The following EML1 variants were observed in gnomAD, a reference collection of about 807,000 sequenced individuals.
EML1 encodes the protein EMAP like 1.
EML1 carries 27 observed loss-of-function variants against 110.4 expected under a neutral mutation model. That is an observed-to-expected ratio of 0.24 (90% CI 0.18 to 0.34). EML1 has a LOEUF of 0.34. Ranked by LOEUF, EML1 falls within the 10% of genes least tolerant of loss-of-function variation. The pLI, the probability that EML1 is intolerant of heterozygous loss-of-function variation, is 1.00. For missense variants in EML1, 741 were observed against 1,030.9 expected, an observed-to-expected ratio of 0.72 and a Z score of 3.85; for synonymous variants, 344 against 385.8, an observed-to-expected ratio of 0.89 and a Z score of 1.27.
At position 99,766,473 on chromosome 14, in the gene EML1, C is replaced by A. The variant is rs1043065068; in HGVS notation, c.28+28613C>A. Among the ~76,000 whole-genome samples, 3 of 152,132 alleles carry A rather than the reference C, an allele frequency of 2.0e-5. No homozygotes were observed. The East Asian group carries it at 5.8e-4, about 29-fold the overall frequency. ...CCTCCCAAATTGCTGGGATTACAGGCGTGAGCCACCATGTCCGGCCTAATT... is the reference window on the plus strand; with the variant it reads ...CCTCCCAAATTGCTGGGATTACAGGAGTGAGCCACCATGTCCGGCCTAATT... On this transcript the variant is annotated intron_variant, in intron 1 of 10. Transcript: ENST00000554479.
At chr14:99,937,507 G>T (rs1410727900) in intron 19 of EML1, among the ~76,000 whole-genome samples, 1 of 152,096 alleles carries the variant, frequency 6.6e-6, no homozygotes, top group South Asian at 2.1e-4. Flanking sequence ...AGGGGCTCGG[G>T]TGGGGGTGGG....
intron 1 of EML1, among the ~76,000 whole-genome samples, chr14:99,780,305 C>T (rs1038880935): frequency 6.6e-6 from 1 of 152,102 alleles, no homozygotes; most frequent in Non-Finnish European, 1.5e-5. Context: ...AGCAGACCCT[C>T]TTTTGCCCCC....
intron 2 of EML1, among the ~76,000 whole-genome samples, chr14:99,860,284 AC>A (rs2058981099): frequency 6.6e-6 from 1 of 152,088 alleles, no homozygotes; most frequent in African/African-American, 2.4e-5. Context: ...TTTTAAAACA[AC>A]CCTTTCATGA....
intron 9 of EML1, 34 bp from the exon 10 acceptor site, chr14:99,907,604 G>A (rs773865819): frequency 1.9e-6 from 3 of 1,586,270 alleles, no homozygotes; most frequent in South Asian, 1.1e-5. Flanking sequence ...TTTATTCTCA[G>A]ATATAGTCTT....
chr14:99,870,668 A>G (rs2059182993), intron 3 of EML1, among the ~76,000 whole-genome samples: 1 of 152,220 alleles, frequency 6.6e-6, no homozygotes, highest in Admixed American at 6.5e-5. Context: ...TAGGGCCCTT[A>G]AGAATGATGC....
rs2059832639 is a variant in EML1, at chr14:99,905,625, C to G, written c.1009-2013C>G. ...GTTCCCCATGTCCCATGATCTTGTA[C>G]ATGCCTAATTCTGTCACCCTTAGCC... On this transcript the variant is annotated intron_variant, in intron 9 of 21. Coordinates refer to ENST00000262233, the MANE Select transcript of EML1 (RefSeq NM_004434.3). This position sits in a 1 kb window ranked among gnomAD's most constrained non-coding sequence, Gnocchi z 4.1. Among the ~76,000 whole-genome samples the G allele has an allele frequency of 6.6e-6, 1 of 152,176 alleles. No individual in the cohort carries two copies. Among genetic ancestry groups the G allele is most frequent in the Admixed American group, 6.5e-5 (1 of 15,282 alleles).
chr14:99,817,542 G>A (rs1055718820), intron 1 of EML1, among the ~76,000 whole-genome samples: 1 of 152,156 alleles, frequency 6.6e-6, no homozygotes, highest in Non-Finnish European at 1.5e-5. Context: ...GTCACACAAC[G>A]ACAAAGGAAA....
chr14:99,804,878 A>G (rs1403084577), intron 1 of EML1, among the ~76,000 whole-genome samples: 1 of 152,190 alleles, frequency 6.6e-6, no homozygotes, highest in African/African-American at 2.4e-5. Flanking sequence ...CTTGGGGTTC[A>G]GGGCCGATTC....
At chr14:99,911,299 C>A in intron 12 of EML1, 123 bp from the exon 13 acceptor site, 1 of 1,142,660 alleles carries the variant, frequency 8.8e-7, no homozygotes, top group Non-Finnish European at 1.2e-6. Context: ...TTCATAGATT[C>A]ATATTGCAAT....
intron 2 of EML1, among the ~76,000 whole-genome samples, chr14:99,864,172 T>C (rs1176220956): frequency 6.6e-6 from 1 of 152,224 alleles, no homozygotes; most frequent in Non-Finnish European, 1.5e-5. Context: ...CTTTTGCCCA[T>C]TTTTTTAATT....
At chr14:99,858,256 C>T (rs2058940669) in intron 2 of EML1, among the ~76,000 whole-genome samples, 1 of 151,272 alleles carries the variant, frequency 6.6e-6, no homozygotes, top group Non-Finnish European at 1.5e-5. Flanking sequence ...GCGATCTCAG[C>T]TCACCACAAC....
intron 15 of EML1, 26 bp from the exon 16 acceptor site, chr14:99,917,756 T>C: frequency 6.2e-7 from 1 of 1,612,782 alleles, no homozygotes. Context: ...TGTTCATCAA[T>C]TTACACTTCC....
chr14:99,828,740 T>A (rs1186205580), intron 1 of EML1, among the ~76,000 whole-genome samples: 1 of 152,174 alleles, frequency 6.6e-6, no homozygotes, highest in African/African-American at 2.4e-5. Flanking sequence ...ACATAAACAG[T>A]TGATAAACAC....
chr14:99,837,933 G>A (rs1046107955), intron 1 of EML1, among the ~76,000 whole-genome samples: 4 of 152,124 alleles, frequency 2.6e-5, no homozygotes, highest in Non-Finnish European at 4.4e-5. Context: ...CCAAGTAGCT[G>A]GGACTACAGG....
intron 17 of EML1, among the ~76,000 whole-genome samples, chr14:99,923,079 A>C (rs1254649990): frequency 2.0e-5 from 3 of 152,054 alleles, no homozygotes; most frequent in African/African-American, 7.2e-5. Context: ...GTAGCTGGGA[A>C]CACAGGCACA....
At chr14:99,880,158 T>TC (rs2059361010) in intron 4 of EML1, among the ~76,000 whole-genome samples, 1 of 152,150 alleles carries the variant, frequency 6.6e-6, no homozygotes, top group East Asian at 1.9e-4. Flanking sequence ...AAAAATAAAT[T>TC]CTTTGTCTTG....
rs2060057035 is a variant in EML1, at chr14:99,917,716, T to C, written c.1753-66T>C. On this transcript the variant is annotated intron_variant, in intron 15 of 21. Coordinates refer to ENST00000262233, the MANE Select transcript of EML1 (RefSeq NM_004434.3). ...GCGTTTGTGTGTGCACGCACTCACG[T>C]GTGTGTGTTTTATGCTATAGTGTTC... The C allele has an allele frequency of 9.3e-6, 14 of 1,506,146 alleles. 1 individual carries two copies. The South Asian group carries it at 1.6e-4, about 17-fold the overall frequency. The allele number at this position is 1,506,146 out of a possible 1,614,324, so 93.3% of individuals were successfully genotyped here. A position where few individuals can be genotyped will look rare whatever the true frequency, so the allele number is the denominator to read the frequency against.
At chr14:99,919,414 G>T in intron 16 of EML1, among the ~76,000 whole-genome samples, 1 of 51,780 alleles carries the variant, frequency 1.9e-5, no homozygotes, top group African/African-American at 5.0e-5. Context: ...ACACACATAC[G>T]CATGCACACA....
At chr14:99,792,324 T>C (rs984762524), upstream of EML1, among the ~76,000 whole-genome samples, 2 of 152,246 alleles carry the variant, frequency 1.3e-5, no homozygotes, top group Non-Finnish European at 2.9e-5. Flanking sequence ...GAATTATGAC[T>C]GATGCAACAG....
Sources: gnomAD v4.1 joint callset for allele counts (sites outside exome capture counted in the v4.1 genomes callset) on GRCh38, gnomAD v4.1.1 for gene constraint, Gnocchi (gnomAD v3.1) non-coding constraint, MANE v1.5 for transcripts, NCBI Gene and HGNC (gene_info 2026-07-23, HGNC 2026-07-21) for gene names.